WDPCP: variants seen among roughly 807,000 people sequenced by gnomAD.
The protein encoded by WDPCP is WD repeat containing planar cell polarity effector, also known as WD repeat-containing and planar cell polarity effector protein fritz homolog.
WDPCP carries 71 observed loss-of-function variants against 93.1 expected under a neutral mutation model. That is an observed-to-expected ratio of 0.76 (90% CI 0.63 to 0.93). The LOEUF (loss-of-function observed/expected upper bound fraction) is 0.93. Among genes scored for constraint, WDPCP ranks in the 40% least tolerant of loss-of-function variants. The pLI, the probability that WDPCP is intolerant of heterozygous loss-of-function variation, is 0.00. For missense variants in WDPCP, 844 were observed against 887.4 expected (o/e 0.95, Z 0.62); for synonymous variants, 315 against 315.0 (o/e 1.00, Z 0.00).
intron 14 of WDPCP, among the ~76,000 whole-genome samples, chr2:63,236,302 CAA>C (rs756724899): frequency 6.6e-6 from 1 of 152,070 alleles, no homozygotes; most frequent in Non-Finnish European, 1.5e-5. Context: ...ACAAGAACCA[CAA>C]AACACTGCTG....
At chr2:63,351,740 A>G (rs1173348221) in intron 12 of WDPCP, among the ~76,000 whole-genome samples, 1 of 152,184 alleles carries the variant, frequency 6.6e-6, no homozygotes, top group African/African-American at 2.4e-5. Flanking sequence ...ACAGGAGTGC[A>G]TGTGTCTTTT....
At chr2:63,128,948 G>A (rs571456952) in intron 17 of WDPCP, among the ~76,000 whole-genome samples, 8 of 152,308 alleles carry the variant, frequency 5.3e-5, no homozygotes, top group East Asian at 1.9e-4. Context: ...GATTACAGGC[G>A]TGAGCCACTG....
Position 63,588,428 on chromosome 2 carries a change from C to G in WDPCP, c.-157G>C, listed in dbSNP as rs1003366704. 2.5e-6 allele frequency: 2 copies of G among 815,238 alleles called. No homozygotes were observed. The highest frequency in any genetic ancestry group is 1.7e-5 in the African/African-American group (1 of 58,952). 50.5% of individuals were successfully genotyped at this position (815,238 alleles called of 1,614,324 possible). A position where few individuals can be genotyped will look rare whatever the true frequency, so the allele number is the denominator to read the frequency against. On this transcript the variant is annotated 5_prime_UTR_variant, in exon 1 of 18. Transcript: ENST00000272321. ...AGCAGCCAGGGTGTGCGTGCGCTCC[C>G]GCCTCGTCGCTTAGCAACCTGAGAA...
At chr2:63,323,221 C>T (rs1244947187) in intron 12 of WDPCP, among the ~76,000 whole-genome samples, 1 of 152,212 alleles carries the variant, frequency 6.6e-6, no homozygotes, top group African/African-American at 2.4e-5. Context: ...GGTCCTAACG[C>T]CTGCCAGACA....
intron 14 of WDPCP, among the ~76,000 whole-genome samples, chr2:63,247,277 G>A (rs1360478637): frequency 3.3e-5 from 5 of 152,160 alleles, no homozygotes; most frequent in South Asian, 2.1e-4. Context: ...GTTTGTTGTT[G>A]CTGTTGTGTA....
intron 6 of WDPCP, among the ~76,000 whole-genome samples, chr2:63,450,701 C>A (rs1384176868): frequency 6.6e-6 from 1 of 152,116 alleles, no homozygotes; most frequent in African/African-American, 2.4e-5. Context: ...AATAACCACA[C>A]CCTAAACCAC....
chr2:63,837,853 C>T, the WDPCP span, among the ~76,000 whole-genome samples: 1 of 152,288 alleles, frequency 6.6e-6, no homozygotes, highest in East Asian at 1.9e-4. Context: ...CCTGTAATTC[C>T]AGCACTTGAG....
chr2:63,805,693 G>A (rs1226886872), intron 2 of WDPCP, among the ~76,000 whole-genome samples: 1 of 152,128 alleles, frequency 6.6e-6, no homozygotes, highest in East Asian at 1.9e-4. Context: ...CAATGCCATA[G>A]GAATTCTGAT....
At chr2:63,484,580 C>A (rs369955318) in intron 6 of WDPCP, 24 bp downstream of exon 6, 23 of 1,612,232 alleles carry the variant, frequency 1.4e-5, no homozygotes, top group Non-Finnish European at 2.0e-5. Flanking sequence ...TTAAACACTG[C>A]AAAGGCTTGT....
intron 3 of WDPCP, among the ~76,000 whole-genome samples, chr2:63,615,646 C>A (rs1407601307): frequency 6.6e-6 from 1 of 152,212 alleles, no homozygotes; most frequent in Non-Finnish European, 1.5e-5. Flanking sequence ...AGAGCTGTTT[C>A]TTTTGCCTAT....
At chr2:63,462,803 G>A (rs1699106306) in intron 6 of WDPCP, among the ~76,000 whole-genome samples, 1 of 152,130 alleles carries the variant, frequency 6.6e-6, no homozygotes, top group African/African-American at 2.4e-5. Flanking sequence ...CCAGGTTTCT[G>A]GTTTCTATAA....
chr2:63,508,090 C>T (rs571461455), intron 1 of WDPCP, among the ~76,000 whole-genome samples: 81 of 152,232 alleles, frequency 5.3e-4, no homozygotes, highest in African/African-American at 1.9e-3. Context: ...GAGAACACCA[C>T]AAAGATGCTC....
At chr2:63,442,428 T>A (rs1697560433) in intron 6 of WDPCP, 1 of 152,222 alleles carries the variant, frequency 6.6e-6, no homozygotes, top group South Asian at 2.1e-4. Context: ...TCACTGCTCC[T>A]GCCTCCAGGC....
At chr2:63,228,393 T>C (rs1197820356) in intron 14 of WDPCP, 35 of 149,936 alleles carry the variant, frequency 2.3e-4, no homozygotes, top group East Asian at 1.9e-3. Flanking sequence ...TTTTCTTTTT[T>C]TTTTTTTTTT....
At chr2:63,465,423 G>T (rs1174863776) in intron 6 of WDPCP, among the ~76,000 whole-genome samples, 1 of 152,010 alleles carries the variant, frequency 6.6e-6, no homozygotes, top group African/African-American at 2.4e-5. Flanking sequence ...GGTTTGAGAA[G>T]GTTTGGATCC....
At chr2:63,492,552 T>G (rs941426387) in intron 2 of WDPCP, among the ~76,000 whole-genome samples, 3 of 152,090 alleles carry the variant, frequency 2.0e-5, no homozygotes, top group Admixed American at 2.0e-4. Flanking sequence ...TCACCTGGGC[T>G]AGAGCATAGT....
At chr2:63,368,279 TCTA>T (rs1691079055) in intron 12 of WDPCP, among the ~76,000 whole-genome samples, 1 of 150,734 alleles carries the variant, frequency 6.6e-6, no homozygotes, top group Admixed American at 6.6e-5. Flanking sequence ...TTTTTTGAGT[TCTA>T]CTAAGTTTAT....
At chr2:63,239,133 T>A (rs1411025879) in intron 14 of WDPCP, among the ~76,000 whole-genome samples, 1 of 152,214 alleles carries the variant, frequency 6.6e-6, no homozygotes, top group Non-Finnish European at 1.5e-5. Context: ...ATGTGGGAGC[T>A]GAAATAGATC....
chr2:63,160,065 C>A (rs1672540769), intron 15 of WDPCP, among the ~76,000 whole-genome samples: 1 of 152,150 alleles, frequency 6.6e-6, no homozygotes, highest in Non-Finnish European at 1.5e-5. Context: ...GGTTCAGAGG[C>A]ACCTTAAGTT....
Sources: allele counts gnomAD v4.1 joint callset (sites outside exome capture counted in the v4.1 genomes callset), GRCh38; gene constraint gnomAD v4.1.1; transcripts MANE v1.5; gene names NCBI Gene and HGNC (gene_info 2026-07-23, HGNC 2026-07-21).